The following PCDH11X variants were observed in gnomAD, a reference collection of about 807,000 sequenced individuals.
The protein encoded by PCDH11X is protocadherin 11 X-linked.
PCDH11X carries 18 observed loss-of-function variants against 53.3 expected under a neutral mutation model. That is an observed-to-expected ratio of 0.34 (90% CI 0.23 to 0.50). The LOEUF (loss-of-function observed/expected upper bound fraction) is 0.50, where lower values mean the gene tolerates loss of function less well. Ranked by LOEUF, PCDH11X falls within the 20% of genes least tolerant of loss-of-function variation. PCDH11X has a pLI of 0.98. For synonymous variants in PCDH11X, 279 were observed against 393.3 expected (o/e 0.71, Z 3.44); for missense variants, 570 against 1,032.4 (o/e 0.55, Z 6.14).
Position 92,618,259 on chromosome X carries a change from A to G in PCDH11X, c.3368-5A>G. On this transcript the variant is annotated splice_region_variant and splice_polypyrimidine_tract_variant and intron_variant, in intron 10 of 10. Coordinates refer to ENST00000682573, the MANE Select transcript of PCDH11X (RefSeq NM_032968.5). The stretch of plus-strand genomic sequence containing the variant: ...ATTTTATTATTTTTTTCCTCACCCC[A>G]ACAGCTGCAGAAATAACTGTTCAAC... 1 of 1,197,938 alleles carries G rather than the reference A, an allele frequency of 8.3e-7. No individual in the cohort carries two copies.
intron 6 of PCDH11X, among the ~76,000 whole-genome samples, chrX:91,932,110 G>A (rs1169641734): frequency 7.2e-5 from 8 of 110,425 alleles, no homozygotes; most frequent in Non-Finnish European, 1.3e-4. Context: ...ATCAGTTTGC[G>A]GAGGATAACG....
At chrX:92,252,652 A>G (rs2067483321) in intron 7 of PCDH11X, among the ~76,000 whole-genome samples, 1 of 111,184 alleles carries the variant, frequency 9.0e-6, no homozygotes, top group Non-Finnish European at 1.9e-5. Flanking sequence ...CAGTGAATAA[A>G]TATTTAGGAA....
chrX:91,889,532 CA>C (rs1940380047), intron 6 of PCDH11X, among the ~76,000 whole-genome samples: 1 of 112,079 alleles, frequency 8.9e-6, no homozygotes, highest in African/African-American at 3.2e-5. Flanking sequence ...AGGCTGTTCT[CA>C]AACTCCTGAC....
intron 6 of PCDH11X, among the ~76,000 whole-genome samples, chrX:91,985,754 G>A (rs142849201): frequency 0.088 from 9,766 of 111,311 alleles, 380 homozygotes; most frequent in African/African-American, 0.14. Context: ...TACCATTTCA[G>A]AGGGAAAGGG....
At chrX:92,227,429 G>A (rs961598479) in intron 7 of PCDH11X, among the ~76,000 whole-genome samples, 2 of 111,245 alleles carry the variant, frequency 1.8e-5, no homozygotes, top group African/African-American at 6.5e-5. Flanking sequence ...ATGTGACAAT[G>A]TTCCTGGTTA....
intron 3 of PCDH11X, among the ~76,000 whole-genome samples, chrX:91,810,916 T>C (rs1936272499): frequency 8.9e-6 from 1 of 112,210 alleles, no homozygotes; most frequent in African/African-American, 3.2e-5. Flanking sequence ...AAAACTGTTA[T>C]AATGATCCAA....
In PCDH11X at chrX:92,114,278, C is replaced by G. The variant is rs191563556; in HGVS notation, c.3034-87097C>G. ...TAACCCCTGATACAAGGTAGAATGGCTTGCTGCTGGATGGCAGAGGGCTTC... is the reference window on the plus strand; with the variant it reads ...TAACCCCTGATACAAGGTAGAATGGGTTGCTGCTGGATGGCAGAGGGCTTC... On this transcript the variant is annotated intron_variant, in intron 6 of 10. Coordinates refer to ENST00000682573, the MANE Select transcript of PCDH11X (RefSeq NM_032968.5). 5.5e-3 allele frequency: 4,935 copies of G among 895,275 alleles called. 145 individuals carry two copies. In the African/African-American group the frequency reaches 0.085, roughly 15 times the overall value. 73.8% of individuals were successfully genotyped at this position (895,275 alleles called of 1,213,427 possible).
intron 10 of PCDH11X, among the ~76,000 whole-genome samples, chrX:92,512,410 T>C (rs143844620): frequency 0.046 from 5,107 of 111,679 alleles, 89 homozygotes; most frequent in South Asian, 0.11. Context: ...ATAATGATAA[T>C]AAATTCATCA....
intron 8 of PCDH11X, among the ~76,000 whole-genome samples, chrX:92,339,602 C>G (rs190015213): frequency 6.1e-4 from 67 of 110,344 alleles, no homozygotes; most frequent in Middle Eastern, 4.7e-3. Flanking sequence ...ATGGCCAGAG[C>G]AGGAGCAAGA....
chrX:91,865,019 G>T, intron 5 of PCDH11X, among the ~76,000 whole-genome samples: 1 of 110,968 alleles, frequency 9.0e-6, no homozygotes, highest in Non-Finnish European at 1.9e-5. Context: ...TGTCCTGGGT[G>T]ACTTATTTAG....
intron 1 of PCDH11X, among the ~76,000 whole-genome samples, chrX:91,790,736 C>G (rs1935503716): frequency 9.0e-6 from 1 of 110,947 alleles, no homozygotes; most frequent in South Asian, 3.8e-4. Flanking sequence ...GTGAAACTTT[C>G]ATTCATTATT....
chrX:92,083,499 G>C (rs985985998), intron 6 of PCDH11X, among the ~76,000 whole-genome samples: 2 of 111,450 alleles, frequency 1.8e-5, no homozygotes, highest in African/African-American at 6.5e-5. Flanking sequence ...GCATTTTTTA[G>C]ACTACAGAAA....
At chrX:92,030,195 T>C (rs2063028208) in intron 6 of PCDH11X, among the ~76,000 whole-genome samples, 2 of 111,601 alleles carry the variant, frequency 1.8e-5, no homozygotes, top group African/African-American at 6.5e-5. Context: ...TCTCTTGACC[T>C]CGTGATCTGC....
At chrX:92,088,305 A>G (rs1393856633) in intron 6 of PCDH11X, among the ~76,000 whole-genome samples, 1 of 111,344 alleles carries the variant, frequency 9.0e-6, no homozygotes, top group Non-Finnish European at 1.9e-5. Context: ...TTTGTTAACA[A>G]ATAAAAATAA....
At chrX:92,198,585 C>T (rs1014431307) in intron 6 of PCDH11X, among the ~76,000 whole-genome samples, 13 of 110,210 alleles carry the variant, frequency 1.2e-4, no homozygotes, top group South Asian at 3.8e-4. Flanking sequence ...CAAGAAGAAC[C>T]GGCCAGATTT....
intron 10 of PCDH11X, among the ~76,000 whole-genome samples, chrX:92,487,196 G>A (rs1176034297): frequency 1.9e-5 from 2 of 105,878 alleles, no homozygotes; most frequent in East Asian, 6.3e-4. Flanking sequence ...GGGATTACAG[G>A]CATGCACCAC....
At chrX:92,478,576 C>G (rs1337768792) in intron 10 of PCDH11X, among the ~76,000 whole-genome samples, 2 of 111,207 alleles carry the variant, frequency 1.8e-5, no homozygotes, top group African/African-American at 3.3e-5. Context: ...TATCTGTGTT[C>G]TTATGAGTTT....
chrX:92,278,762 G>T (rs1158833273), intron 8 of PCDH11X, among the ~76,000 whole-genome samples: 1 of 107,836 alleles, frequency 9.3e-6, no homozygotes, highest in East Asian at 3.0e-4. Context: ...CACAGGGGAT[G>T]TGATGGCTTG....
At chrX:91,939,769 G>A (rs971713760) in intron 6 of PCDH11X, among the ~76,000 whole-genome samples, 1 of 110,383 alleles carries the variant, frequency 9.1e-6, no homozygotes, top group Non-Finnish European at 1.9e-5. Flanking sequence ...CAAAACTGAG[G>A]GCAAAATAAA....
Sources: allele counts gnomAD v4.1 joint callset (sites outside exome capture counted in the v4.1 genomes callset), GRCh38; gene constraint gnomAD v4.1.1; transcripts MANE v1.5; gene names NCBI Gene and HGNC (gene_info 2026-07-23, HGNC 2026-07-21).